Variants in WNK1 observed in about 807,000 individuals in gnomAD.
WNK1 encodes WNK lysine deficient protein kinase 1.
A neutral mutation model predicts 222.8 loss-of-function variants in WNK1; 38 were observed. The observed-to-expected ratio is 0.17, with a 90% CI of 0.13 to 0.22. The LOEUF (loss-of-function observed/expected upper bound fraction) is 0.22. WNK1 is among the 10% of genes least tolerant of loss of function. WNK1 has a pLI of 1.00. For missense variants in WNK1, 2,348 were observed against 2,918.4 expected, an observed-to-expected ratio of 0.80 and a Z score of 4.50; for synonymous variants, 1,090 against 1,092.9, an observed-to-expected ratio of 1.00 and a Z score of 0.05.
rs772571831 is a variant in WNK1 at position 868,542 on chromosome 12, G to A, written c.2140-2723G>A. ...GCACCTATCAGTACAGATGCTACAC[G>A]TTTGAAATTTCACCCTGTCTTTGTT... On this transcript the variant is annotated intron_variant, in intron 8 of 27. Transcript: ENST00000315939. 35 of 1,613,854 alleles carry A rather than the reference G, an allele frequency of 2.2e-5. No individual in the cohort carries two copies. Among genetic ancestry groups the A allele is most frequent in the South Asian group, 3.3e-5 (3 of 91,080 alleles).
chr12:871,421 T>C lies in WNK1; in HGVS notation c.2223+73T>C, dbSNP rs984488348. 4 of 1,476,310 alleles carry C rather than the reference T, an allele frequency of 2.7e-6. No individual in the cohort carries two copies. The African/African-American group carries it at 4.2e-5, about 15-fold the overall frequency. 91.5% of individuals were successfully genotyped at this position (1,476,310 alleles called of 1,614,324 possible). ...CACTATTTTAACTTTTGTGATTTGT[T>C]ATATAAATGGCCTGCTAAGTTTTTG... On this transcript the variant is annotated intron_variant, in intron 9 of 27. Coordinates refer to ENST00000315939, the MANE Select transcript of WNK1 (RefSeq NM_018979.4).
chr12:856,246 G>A (rs897998751), intron 4 of WNK1, among the ~76,000 whole-genome samples: 3 of 151,680 alleles, frequency 2.0e-5, no homozygotes, highest in Admixed American at 6.6e-5. Flanking sequence ...TCAGGTGTTC[G>A]AGACCAGCCT....
At chr12:905,937 C>G (rs1955659205) in intron 26 of WNK1, among the ~76,000 whole-genome samples, 2 of 152,146 alleles carry the variant, frequency 1.3e-5, no homozygotes, top group Non-Finnish European at 2.9e-5. Flanking sequence ...TGTGACCTTC[C>G]TCACTGCAGC....
chr12:885,483 A>G lies in WNK1; in HGVS notation c.4679A>G (p.Tyr1560Cys). Residue 1560 changes from tyrosine to cysteine, a missense_variant, in exon 19 of 28, where the codon TAT (tyrosine) becomes TGT (cysteine). Coordinates refer to ENST00000315939, the MANE Select transcript of WNK1 (RefSeq NM_018979.4). ...TCTCCTGGAGCAGGAGTGTCTAGTT[A>G]TATTTCTCAGCCTGGTGGGCTGCAT... ...SSSPGAGVSS[Y>C]ISQPGGLHPL... 1 of 1,613,992 alleles carries G rather than the reference A, an allele frequency of 6.2e-7. No individual in the cohort carries two copies. Among genetic ancestry groups the G allele is most frequent in the Non-Finnish European group, 8.5e-7 (1 of 1,180,018 alleles).
chr12:881,169 C>G (rs1953122314), intron 12 of WNK1, among the ~76,000 whole-genome samples, 170 bp downstream of exon 12: 1 of 152,160 alleles, frequency 6.6e-6, no homozygotes, highest in African/African-American at 2.4e-5. Context: ...AATGTGGGGT[C>G]CTTGTTTCCA....
chr12:814,155 C>A (rs1159308733), intron 2 of WNK1, among the ~76,000 whole-genome samples: 1 of 149,096 alleles, frequency 6.7e-6, no homozygotes, highest in Non-Finnish European at 1.5e-5. Flanking sequence ...GTGGTGAAAC[C>A]CCGTCTCTAC....
intron 1 of WNK1, among the ~76,000 whole-genome samples, chr12:756,135 G>T (rs1355975842): frequency 6.6e-6 from 1 of 152,140 alleles, no homozygotes; most frequent in Non-Finnish European, 1.5e-5. Flanking sequence ...TATTTGAATA[G>T]GTGCTTTTTA....
chr12:892,842 TG>T (rs964620104), intron 22 of WNK1, among the ~76,000 whole-genome samples: 1 of 152,192 alleles, frequency 6.6e-6, no homozygotes, highest in African/African-American at 2.4e-5. Flanking sequence ...GTACAGCCTC[TG>T]GGGGGATCAG....
chr12:842,702 C>G (rs1591967309), intron 4 of WNK1, among the ~76,000 whole-genome samples: 1 of 152,046 alleles, frequency 6.6e-6, no homozygotes, highest in East Asian at 1.9e-4. Context: ...CTTTGAATTT[C>G]TTGAGGGAAG....
chr12:818,254 A>T (rs1947543185), intron 2 of WNK1, among the ~76,000 whole-genome samples: 1 of 152,168 alleles, frequency 6.6e-6, no homozygotes, highest in South Asian at 2.1e-4. Context: ...TACAATTAAA[A>T]AGAAATTTTC....
At chr12:902,572 G>T (rs1225080047) in intron 26 of WNK1, among the ~76,000 whole-genome samples, 1 of 152,134 alleles carries the variant, frequency 6.6e-6, no homozygotes, top group African/African-American at 2.4e-5. Flanking sequence ...GTCTAATAAA[G>T]ATCAAAGCCC....
At chr12:799,991 A>G (rs1254156453) in intron 1 of WNK1, among the ~76,000 whole-genome samples, 1 of 152,100 alleles carries the variant, frequency 6.6e-6, no homozygotes, top group Non-Finnish European at 1.5e-5. Flanking sequence ...ATTTTTAAAG[A>G]AAGTTAATTA....
At chr12:837,565 C>G (rs1173259461) in intron 4 of WNK1, among the ~76,000 whole-genome samples, 1 of 136,254 alleles carries the variant, frequency 7.3e-6, no homozygotes, top group Non-Finnish European at 1.6e-5. Context: ...CAGAGTGAGA[C>G]CCTGTCTAAA....
Position 753,965 on chromosome 12 carries a change from G to A in WNK1, c.400G>A (p.Ala134Thr). ...GACCGCCACCGCCACTTCCCAGGTA[G>A]CCCAGCAGCCTCCAGCCGCTGCCGC... ...TVTATATSQV[A>T]QQPPAAAAPG... Residue 134 changes from alanine (A) to threonine (T), a missense_variant, in exon 1 of 28, where the codon GCC (alanine) becomes ACC (threonine). Ala to Thr is a moderately conservative substitution (Grantham distance 58). Transcript: ENST00000315939. The surrounding 1 kb of genome is among the most constrained non-coding windows in gnomAD (Gnocchi z 5.2). 6.2e-7 allele frequency: 1 copy of A among 1,600,178 alleles called. No homozygotes were observed. The highest frequency in any genetic ancestry group is 8.5e-7 in the Non-Finnish European group (1 of 1,174,364).
chr12:820,462 TG>T (rs1303155178), intron 2 of WNK1, among the ~76,000 whole-genome samples: 18 of 139,992 alleles, frequency 1.3e-4, no homozygotes, highest in African/African-American at 2.3e-4. Context: ...GTTCATTCTT[TG>T]GGGTTTTTTT....
At chr12:797,574 T>C (rs1401861008) in intron 1 of WNK1, among the ~76,000 whole-genome samples, 1 of 152,146 alleles carries the variant, frequency 6.6e-6, no homozygotes, top group East Asian at 1.9e-4. Flanking sequence ...TGCCATACTT[T>C]TATTTATTAT....
At chr12:891,427 C>T (rs774154232) in intron 22 of WNK1, among the ~76,000 whole-genome samples, 3 of 152,142 alleles carry the variant, frequency 2.0e-5, no homozygotes, top group Non-Finnish European at 4.4e-5. Flanking sequence ...CGTGAGCCAC[C>T]GCGCCTGGCT....
At chr12:813,962 C>T in intron 2 of WNK1, 148 bp downstream of exon 2, 2 of 814,274 alleles carry the variant, frequency 2.5e-6, no homozygotes, top group Non-Finnish European at 4.0e-6. Context: ...ATTTCCTTGC[C>T]CACAAAGTCC....
chr12:892,061 A>ATT (rs1402152183), intron 22 of WNK1, among the ~76,000 whole-genome samples: 1 of 138,216 alleles, frequency 7.2e-6, no homozygotes, highest in Non-Finnish European at 1.6e-5. Context: ...TGGCTTGGAA[A>ATT]TCTTTTTTTT....
Sources: gnomAD v4.1 joint callset for allele counts (sites outside exome capture counted in the v4.1 genomes callset) on GRCh38, gnomAD v4.1.1 for gene constraint, Gnocchi (gnomAD v3.1) non-coding constraint, MANE v1.5 for transcripts, NCBI Gene and HGNC (gene_info 2026-07-23, HGNC 2026-07-21) for gene names.